UVRAG: variants seen among roughly 807,000 people sequenced by gnomAD.
UVRAG encodes UV radiation resistance-associated gene protein.
Under a neutral mutation model 78.0 loss-of-function variants are expected in UVRAG, and 19 were observed. The ratio of observed to expected loss-of-function variants is 0.24; its 90% CI spans 0.17 to 0.36. The LOEUF (loss-of-function observed/expected upper bound fraction) is 0.36. UVRAG is among the 10% of genes least tolerant of loss of function. The pLI, the probability that UVRAG is intolerant of heterozygous loss-of-function variation, is 1.00. For synonymous variants in UVRAG, 323 were observed against 324.6 expected, an observed-to-expected ratio of 1.00 and a Z score of 0.05; for missense variants, 740 against 853.8, an observed-to-expected ratio of 0.87 and a Z score of 1.66.
intron 7 of UVRAG, among the ~76,000 whole-genome samples, chr11:75,970,161 A>T (rs1949096937): frequency 6.6e-6 from 1 of 152,218 alleles, no homozygotes; most frequent in South Asian, 2.1e-4. Context: ...AGGCACAGAC[A>T]TATTCATTTT....
At chr11:75,877,598 C>G (rs1403174906) in intron 3 of UVRAG, among the ~76,000 whole-genome samples, 1 of 141,024 alleles carries the variant, frequency 7.1e-6, no homozygotes, top group African/African-American at 2.7e-5. Flanking sequence ...GTCGGCTGGC[C>G]GGGCGGGGGG....
intron 8 of UVRAG, among the ~76,000 whole-genome samples, chr11:75,992,603 G>A (rs1482410356): frequency 6.6e-6 from 1 of 152,058 alleles, no homozygotes; most frequent in African/African-American, 2.4e-5. Context: ...GGGGATGGCT[G>A]GATACAGATA....
At position 76,004,096 on chromosome 11, in the gene UVRAG, G is replaced by A. The variant is rs1464562676; in HGVS notation, c.911+7G>A. The A allele has an allele frequency of 1.9e-6, 3 of 1,613,312 alleles. No homozygotes were observed. The highest frequency in any genetic ancestry group is 2.5e-6 in the Non-Finnish European group (3 of 1,179,494). The stretch of plus-strand genomic sequence containing the variant: ...AGGAGTGCACTGCAAAAAGGTAAAT[G>A]CACACTGAGAAGAATTGCTGTGAGT... On this transcript the variant is annotated splice_region_variant and intron_variant, in intron 9 of 14. Transcript: ENST00000356136.
rs371419401 is a variant in UVRAG, at chr11:75,831,888, T to C, written c.117+16364T>C. The stretch of plus-strand genomic sequence containing the variant: ...TTCTCAGACACTTTCCATTAGCCTA[T>C]AGTTGGGCAAAATCGTCTGACACAA... On this transcript the variant is annotated intron_variant, in intron 1 of 14. Transcript: ENST00000356136. Among the ~76,000 whole-genome samples the C allele has an allele frequency of 3.9e-5, 6 of 152,314 alleles. No homozygotes were observed. In the South Asian group the frequency reaches 1.2e-3, roughly 32 times the overall value.
chr11:75,878,937 G>GAGAGGA lies in UVRAG; in HGVS notation c.271-939_271-938insGGAAGA, dbSNP rs796830298. Among the ~76,000 whole-genome samples the GAGAGGA allele has an allele frequency of 8.1e-3, 1,202 of 147,652 alleles. 19 individuals carry two copies. The highest frequency in any genetic ancestry group is 0.029 in the African/African-American group (1,157 of 39,714). On this transcript the variant is annotated intron_variant, in intron 3 of 14. Coordinates refer to ENST00000356136, the MANE Select transcript of UVRAG (RefSeq NM_003369.4). ...GGGGAGGGAGAGGGAGAGGGAGAGG[G>GAGAGGA]AGACCCCCTTATGTTTAATGTAGGG...
chr11:75,833,447 C>G (rs908127865), intron 1 of UVRAG, among the ~76,000 whole-genome samples: 2 of 152,158 alleles, frequency 1.3e-5, no homozygotes, highest in Admixed American at 1.3e-4. Flanking sequence ...TACATCATGA[C>G]CCTTTACCCT....
intron 6 of UVRAG, among the ~76,000 whole-genome samples, chr11:75,946,596 A>C (rs1023990759): frequency 3.3e-5 from 5 of 152,088 alleles, no homozygotes; most frequent in East Asian, 1.9e-4. Flanking sequence ...TCTTTTCTGG[A>C]GCTCAGGGTC....
intron 5 of UVRAG, among the ~76,000 whole-genome samples, chr11:75,891,496 T>C (rs1307179201): frequency 2.0e-5 from 3 of 152,206 alleles, no homozygotes; most frequent in Non-Finnish European, 4.4e-5. Context: ...TATCAAACAC[T>C]GTAAGAGCTT....
intron 14 of UVRAG, among the ~76,000 whole-genome samples, chr11:76,130,459 T>A (rs1472894194): frequency 6.6e-6 from 1 of 152,216 alleles, no homozygotes. Context: ...ATTAATTTGT[T>A]TTATACTCTG....
At chr11:75,863,912 TCTTTATATC>T (rs966766877) in intron 3 of UVRAG, among the ~76,000 whole-genome samples, 2 of 152,206 alleles carry the variant, frequency 1.3e-5, no homozygotes, top group African/African-American at 4.8e-5. Flanking sequence ...AGACTGTATG[TCTTTATATC>T]CCCTTAGTTC....
intron 6 of UVRAG, among the ~76,000 whole-genome samples, chr11:75,959,290 CTA>C (rs1012395588): frequency 6.6e-6 from 1 of 152,208 alleles, no homozygotes; most frequent in Admixed American, 6.5e-5. Context: ...GCTGTTTCAT[CTA>C]TGTTGAAAAT....
intron 13 of UVRAG, among the ~76,000 whole-genome samples, chr11:76,078,718 A>C (rs1329981065): frequency 6.8e-6 from 1 of 148,148 alleles, no homozygotes; most frequent in Non-Finnish European, 1.5e-5. Flanking sequence ...CCTGGCTAAC[A>C]CAGTGAAACC....
At chr11:76,079,479 T>C (rs532724400) in intron 13 of UVRAG, among the ~76,000 whole-genome samples, 1 of 149,960 alleles carries the variant, frequency 6.7e-6, no homozygotes, top group African/African-American at 2.5e-5. Flanking sequence ...TGAAACCCTG[T>C]CTCAAAAAAA....
intron 5 of UVRAG, chr11:75,892,521 A>G (rs1160548131): frequency 3.4e-6 from 2 of 585,650 alleles, no homozygotes; most frequent in South Asian, 7.5e-5. Context: ...TAGAAGAGGA[A>G]GTTGGCACAG....
chr11:75,820,206 G>A (rs1031925878), intron 1 of UVRAG, among the ~76,000 whole-genome samples: 9 of 152,002 alleles, frequency 5.9e-5, no homozygotes, highest in African/African-American at 2.2e-4. Context: ...TCAAACTCCT[G>A]GCCTCAAGAT....
chr11:75,879,024 T>G (rs1485272946), intron 3 of UVRAG, among the ~76,000 whole-genome samples: 1 of 152,178 alleles, frequency 6.6e-6, no homozygotes, highest in Non-Finnish European at 1.5e-5. Flanking sequence ...TTATGAAAGC[T>G]CCTTAACATT....
At chr11:76,012,293 A>G (rs1390919323) in intron 11 of UVRAG, among the ~76,000 whole-genome samples, 1 of 152,042 alleles carries the variant, frequency 6.6e-6, no homozygotes, top group East Asian at 1.9e-4. Context: ...ATCTGTAAGG[A>G]AAGGAATTAC....
chr11:76,128,148 G>A (rs1205001844), intron 14 of UVRAG, among the ~76,000 whole-genome samples: 2 of 152,174 alleles, frequency 1.3e-5, no homozygotes, highest in African/African-American at 4.8e-5. Flanking sequence ...TTAGGAACCA[G>A]GCCTCACAGC....
intron 7 of UVRAG, among the ~76,000 whole-genome samples, chr11:75,965,350 C>T (rs780760392): frequency 3.9e-5 from 6 of 152,060 alleles, no homozygotes; most frequent in South Asian, 2.1e-4. Context: ...CTCGCTCTGT[C>T]GCCCAGGCTA....
Sources: gnomAD v4.1 joint callset for allele counts (sites outside exome capture counted in the v4.1 genomes callset) on GRCh38, gnomAD v4.1.1 for gene constraint, MANE v1.5 for transcripts, NCBI Gene and HGNC (gene_info 2026-07-23, HGNC 2026-07-21) for gene names.